VPS13B: variants seen among roughly 807,000 people sequenced by gnomAD.
VPS13B encodes the protein intermembrane lipid transfer protein VPS13B.
VPS13B carries 285 observed loss-of-function variants against 426.4 expected under a neutral mutation model. The observed-to-expected ratio is 0.67, with a 90% CI of 0.61 to 0.74. The LOEUF (loss-of-function observed/expected upper bound fraction) is 0.74. Among genes scored for constraint, VPS13B ranks in the 30% least tolerant of loss-of-function variants. VPS13B has a pLI of 0.00. For missense variants in VPS13B, 4,537 were observed against 4,782.6 expected (o/e 0.95, Z 1.51); for synonymous variants, 1,676 against 1,676.4 (o/e 1.00, Z 0.01).
At chr8:99,429,204 C>T (rs1588369049) in intron 21 of VPS13B, among the ~76,000 whole-genome samples, 1 of 151,358 alleles carries the variant, frequency 6.6e-6, no homozygotes, top group East Asian at 1.9e-4. Context: ...TGGGTGCAGC[C>T]CACCAACATG....
chr8:99,355,875 T>C (rs2133222873), intron 19 of VPS13B, among the ~76,000 whole-genome samples: 1 of 152,324 alleles, frequency 6.6e-6, no homozygotes, highest in Non-Finnish European at 1.5e-5. Flanking sequence ...TGATGTTTTC[T>C]TGTGTGTTTG....
chr8:99,329,451 T>C (rs1810444296), intron 19 of VPS13B, among the ~76,000 whole-genome samples: 1 of 152,140 alleles, frequency 6.6e-6, no homozygotes, highest in Non-Finnish European at 1.5e-5. Flanking sequence ...CCTTAGGGAA[T>C]GCAGATCATA....
chr8:99,648,273 T>C (rs1316063261), intron 34 of VPS13B, among the ~76,000 whole-genome samples: 1 of 152,204 alleles, frequency 6.6e-6, no homozygotes, highest in African/African-American at 2.4e-5. Context: ...ATTTTGAAGG[T>C]TTAGCAGAAT....
At chr8:99,279,339 G>A (rs1819054725) in intron 19 of VPS13B, among the ~76,000 whole-genome samples, 1 of 150,444 alleles carries the variant, frequency 6.6e-6, no homozygotes, top group African/African-American at 2.4e-5. Flanking sequence ...GGAGTGCAGT[G>A]GGCGCGATCT....
chr8:99,013,706 G>T, intron 1 of VPS13B, 54 bp from the exon 2 acceptor site: 1 of 1,550,260 alleles, frequency 6.5e-7, no homozygotes, highest in Non-Finnish European at 8.9e-7. Flanking sequence ...GATAACGAAC[G>T]CTCTTTCCTT....
chr8:99,107,963 C>A (rs28585625), intron 5 of VPS13B, among the ~76,000 whole-genome samples: 18,972 of 152,112 alleles, frequency 0.12, 1,463 homozygotes, highest in South Asian at 0.19. Flanking sequence ...GAGCATAGTA[C>A]CTAATGGTTA....
intron 3 of VPS13B, among the ~76,000 whole-genome samples, chr8:99,042,256 C>G (rs1009242197): frequency 1.1e-4 from 16 of 152,024 alleles, no homozygotes; most frequent in African/African-American, 3.9e-4. Context: ...TGTATATATT[C>G]TTACCATCTT....
chr8:99,812,192 C>T (rs955446370), intron 44 of VPS13B, among the ~76,000 whole-genome samples: 1 of 152,188 alleles, frequency 6.6e-6, no homozygotes, highest in Non-Finnish European at 1.5e-5. Flanking sequence ...CAGATACACA[C>T]ACCCACAAGC....
intron 43 of VPS13B, among the ~76,000 whole-genome samples, chr8:99,791,009 C>A (rs963229908): frequency 2.6e-5 from 4 of 152,038 alleles, no homozygotes; most frequent in Admixed American, 1.3e-4. Flanking sequence ...AATCTACGTA[C>A]CCAGAGAGAT....
At chr8:99,660,851 A>G (rs1393688407) in intron 34 of VPS13B, among the ~76,000 whole-genome samples, 1 of 152,152 alleles carries the variant, frequency 6.6e-6, no homozygotes, top group Non-Finnish European at 1.5e-5. Context: ...CAGGAAAGCT[A>G]CTGAGGTTAA....
chr8:99,341,974 A>G (rs1337101395), intron 19 of VPS13B, among the ~76,000 whole-genome samples: 1 of 152,218 alleles, frequency 6.6e-6, no homozygotes, highest in East Asian at 1.9e-4. Context: ...TTCTTAATTC[A>G]GGCACTTAAT....
At chr8:99,724,494 C>G (rs1445643250) in intron 39 of VPS13B, among the ~76,000 whole-genome samples, 1 of 152,126 alleles carries the variant, frequency 6.6e-6, no homozygotes, top group East Asian at 1.9e-4. Flanking sequence ...TCAGTTGCCA[C>G]TGTCTCCCCA....
At chr8:99,196,956 G>A (rs772536706) in intron 17 of VPS13B, among the ~76,000 whole-genome samples, 1 of 151,962 alleles carries the variant, frequency 6.6e-6, no homozygotes, top group Non-Finnish European at 1.5e-5. Context: ...GTTAGCCATG[G>A]GCTTGTTCTG....
intron 58 of VPS13B, among the ~76,000 whole-genome samples, chr8:99,865,096 G>C (rs528261398): frequency 6.6e-6 from 1 of 152,304 alleles, no homozygotes; most frequent in Non-Finnish European, 1.5e-5. Flanking sequence ...TGCTGGCTGA[G>C]AGATGCTGCC....
chr8:99,368,207 C>T (rs1812993668), intron 19 of VPS13B, among the ~76,000 whole-genome samples: 1 of 152,162 alleles, frequency 6.6e-6, no homozygotes, highest in African/African-American at 2.4e-5. Context: ...GTTTTTGTAT[C>T]CTGATTCTGT....
chr8:99,813,146 ACTGAGTGACCAT>A (rs1813815432), intron 44 of VPS13B, among the ~76,000 whole-genome samples: 2 of 152,324 alleles, frequency 1.3e-5, no homozygotes. Flanking sequence ...ACACTACTCC[ACTGAGTGACCAT>A]TTTTGGATTT....
chr8:99,813,560 A>T (rs1311228878), intron 44 of VPS13B, among the ~76,000 whole-genome samples: 1 of 152,228 alleles, frequency 6.6e-6, no homozygotes, highest in Non-Finnish European at 1.5e-5. Flanking sequence ...GCTAAAGAAA[A>T]GTTTGCTTCC....
intron 19 of VPS13B, among the ~76,000 whole-genome samples, chr8:99,356,938 A>T (rs4735612): frequency 0.049 from 7,487 of 152,142 alleles, 206 homozygotes; most frequent in African/African-American, 0.071. Flanking sequence ...CTATTTTGAA[A>T]TCTATTTTTT....
chr8:99,124,588 T>TA (rs768024220), intron 8 of VPS13B, among the ~76,000 whole-genome samples: 1 of 151,964 alleles, frequency 6.6e-6, no homozygotes, highest in Non-Finnish European at 1.5e-5. Flanking sequence ...TATTCAGCCA[T>TA]AAAAAAATGA....
Sources: gnomAD v4.1 joint callset for allele counts (sites outside exome capture counted in the v4.1 genomes callset) on GRCh38, gnomAD v4.1.1 for gene constraint, MANE v1.5 for transcripts, NCBI Gene and HGNC (gene_info 2026-07-23, HGNC 2026-07-21) for gene names.